PCDHGA2: variants seen among roughly 807,000 people sequenced by gnomAD.
The protein encoded by PCDHGA2 is protocadherin gamma subfamily A, 2.
A neutral mutation model predicts 59.2 loss-of-function variants in PCDHGA2; 40 were observed. The observed-to-expected ratio is 0.68, with a 90% CI of 0.52 to 0.88. PCDHGA2 has a LOEUF of 0.88. PCDHGA2 is among the 40% of genes least tolerant of loss of function. The probability of loss-of-function intolerance (pLI) is 0.00; values close to 1 mark genes in which losing one functional copy is unlikely to be tolerated. For missense variants in PCDHGA2, 1,226 were observed against 1,204.0 expected (o/e 1.02, Z -0.27); for synonymous variants, 560 against 526.0 (o/e 1.06, Z -0.89).
rs748189764 is a variant in PCDHGA2 at position 141,404,578 on chromosome 5, T to G, written c.2424+63183T>G. 1.9e-6 allele frequency: 3 copies of G among 1,613,950 alleles called. No homozygotes were observed. The Admixed American group carries it at 5.0e-5, about 27-fold the overall frequency. On this transcript the variant is annotated intron_variant, in intron 1 of 3. Coordinates refer to ENST00000394576, the MANE Select transcript of PCDHGA2 (RefSeq NM_018915.4). ...CAAGTGACAGTGGAAGCCCACCACTTAGCAGCAATGTGTCATTGAGACTGT... is the reference window on the plus strand; with the variant it reads ...CAAGTGACAGTGGAAGCCCACCACTGAGCAGCAATGTGTCATTGAGACTGT...
At chr5:141,469,191 G>A (rs1431459571) in intron 1 of PCDHGA2, among the ~76,000 whole-genome samples, 1 of 151,882 alleles carries the variant, frequency 6.6e-6, no homozygotes, top group Admixed American at 6.6e-5. Flanking sequence ...CAAGAGGATT[G>A]CTTGAGCCTT....
At position 141,340,418 on chromosome 5, in the gene PCDHGA2, G is replaced by A. The variant is rs1289323808; in HGVS notation, c.1447G>A (p.Asp483Asn). The A allele has an allele frequency of 1.2e-6, 2 of 1,614,160 alleles. No individual in the cohort carries two copies. Among genetic ancestry groups the A allele is most frequent in the Non-Finnish European group, 1.7e-6 (2 of 1,180,036 alleles). ...GACGGCCCATGACCCCGACAGCAAC[G>A]ACAATGCTCATGTAACTTACTCTTT... ...SVTAHDPDSNDNAHVTYSFAE... is the reference protein window; with the variant it reads ...SVTAHDPDSNNNAHVTYSFAE... Residue 483 changes from aspartate (D) to asparagine (N), a missense_variant, in exon 1 of 4, where the codon GAC becomes AAC. Transcript: ENST00000394576.
rs776348214 is a variant in PCDHGA2 at position 141,487,781 on chromosome 5, G to A, written c.2425-7026G>A. 108 of 1,526,850 alleles carry A rather than the reference G, an allele frequency of 7.1e-5. No individual in the cohort carries two copies. Among genetic ancestry groups the A allele is most frequent in the East Asian group, 3.7e-4 (15 of 40,622 alleles). 94.6% of individuals were successfully genotyped at this position (1,526,850 alleles called of 1,614,324 possible). On this transcript the variant is annotated intron_variant, in intron 1 of 3. Coordinates refer to ENST00000394576, the MANE Select transcript of PCDHGA2 (RefSeq NM_018915.4). This position sits in a 1 kb window ranked among gnomAD's most constrained non-coding sequence, Gnocchi z 5.0. ...AGACGCTGTGCTTTGTAACTGTTTC[G>A]TGAATTAACCAGAGTTGTCACAGTT... is the stretch of plus-strand genomic sequence containing the variant.
chr5:141,346,897 T>C (rs1269994667), intron 1 of PCDHGA2, among the ~76,000 whole-genome samples: 3 of 152,234 alleles, frequency 2.0e-5, no homozygotes, highest in African/African-American at 7.2e-5. Context: ...CTTATCCTGA[T>C]ACATACAAGT....
intron 1 of PCDHGA2, chr5:141,372,275 C>T (rs1308117997): frequency 4.3e-6 from 7 of 1,613,024 alleles, no homozygotes; most frequent in South Asian, 2.2e-5. Context: ...GTGAGGTGCG[C>T]ACGGCGCGTA....
chr5:141,366,069 G>T (rs544928184), intron 1 of PCDHGA2: 12 of 1,614,216 alleles, frequency 7.4e-6, no homozygotes, highest in African/African-American at 2.7e-5. Context: ...CTGGCGCCTC[G>T]CTCCGCAGAA....
intron 1 of PCDHGA2, chr5:141,430,668 C>T (rs538633559): frequency 1.6e-6 from 2 of 1,243,872 alleles, no homozygotes; most frequent in East Asian, 2.5e-5. Context: ...GGAGCTCTGA[C>T]TTCCCAACTG....
rs551396089 is a variant in PCDHGA2, at chr5:141,423,798, A to T, written c.2425-71009A>T. On this transcript the variant is annotated intron_variant, in intron 1 of 3. Coordinates refer to ENST00000394576, the MANE Select transcript of PCDHGA2 (RefSeq NM_018915.4). ...TATTTAGTTCATATATATTTAGAGC[A>T]ATACATGTGAGTTTTACTTTGCCTT... is the stretch of plus-strand genomic sequence containing the variant. 3.3e-6 allele frequency: 4 copies of T among 1,222,280 alleles called. No homozygotes were observed. The South Asian group carries it at 1.1e-4, about 33-fold the overall frequency. 75.7% of individuals were successfully genotyped at this position (1,222,280 alleles called of 1,614,324 possible). A position where few individuals can be genotyped will look rare whatever the true frequency, so the allele number is the denominator to read the frequency against.
intron 1 of PCDHGA2, among the ~76,000 whole-genome samples, chr5:141,436,998 A>T (rs985067199): frequency 6.6e-6 from 1 of 152,242 alleles, no homozygotes; most frequent in African/African-American, 2.4e-5. Context: ...GTTTACTTCA[A>T]TGGGATCTTA....
chr5:141,355,453 G>A, intron 1 of PCDHGA2: 2 of 1,614,094 alleles, frequency 1.2e-6, no homozygotes, highest in South Asian at 1.1e-5. Flanking sequence ...CGGCACCTTG[G>A]TCACCGCGGG....
At chr5:141,375,214 C>T (rs750367246) in intron 1 of PCDHGA2, 2 of 1,613,928 alleles carry the variant, frequency 1.2e-6, no homozygotes, top group Non-Finnish European at 1.7e-6. Context: ...GAGACTCTGG[C>T]CTGAATGGCC....
chr5:141,366,205 G>T (rs1203198525), intron 1 of PCDHGA2: 2 of 1,613,726 alleles, frequency 1.2e-6, no homozygotes, highest in Non-Finnish European at 1.7e-6. Flanking sequence ...ACACGGGCGA[G>T]GTGCGCACAG....
intron 1 of PCDHGA2, among the ~76,000 whole-genome samples, chr5:141,363,114 G>C (rs1762815949): frequency 6.6e-6 from 1 of 152,244 alleles, no homozygotes; most frequent in Non-Finnish European, 1.5e-5. Flanking sequence ...TTTGAGGTCT[G>C]AGGTGTCTGC....
chr5:141,395,542 TTGTGTG>T (rs55729045), intron 1 of PCDHGA2: 20,097 of 170,756 alleles, frequency 0.12, 1,101 homozygotes, highest in Admixed American at 0.15. Context: ...TTGCTATTGT[TTGTGTG>T]TGTGTGTGTG....
intron 1 of PCDHGA2, chr5:141,420,902 A>T (rs1202945278): frequency 3.4e-6 from 1 of 293,976 alleles, no homozygotes; most frequent in Non-Finnish European, 6.3e-6. Context: ...TAAGCTCTAC[A>T]AATACGTGTG....
chr5:141,494,182 C>T (rs188628485), intron 1 of PCDHGA2, among the ~76,000 whole-genome samples: 132 of 152,244 alleles, frequency 8.7e-4, no homozygotes, highest in African/African-American at 3.1e-3. Flanking sequence ...AGAAGTGTCC[C>T]GGGACTTGGA....
Position 141,432,410 on chromosome 5 carries a change from T to C in PCDHGA2, c.2425-62397T>C. On this transcript the variant is annotated intron_variant, in intron 1 of 3. Transcript: ENST00000394576. This position sits in a 1 kb window ranked among gnomAD's most constrained non-coding sequence, Gnocchi z 6.0. The stretch of plus-strand genomic sequence containing the variant: ...CAGCAGCAACGTGTCGTTGAGCCTG[T>C]TCGTGCTGGACCAGAACGACAATGC... 6.2e-7 allele frequency: 1 copy of C among 1,614,228 alleles called. No homozygotes were observed. Among genetic ancestry groups the C allele is most frequent in the East Asian group, 2.2e-5 (1 of 44,884 alleles).
intron 2 of PCDHGA2, among the ~76,000 whole-genome samples, chr5:141,501,290 TACACACACACACACACACACACAC>T (rs55762287): frequency 7.3e-6 from 1 of 136,162 alleles, no homozygotes; most frequent in African/African-American, 2.7e-5. Flanking sequence ...TATTCCCTTA[TACACACACACACACACACACACAC>T]ACACACACAC....
intron 1 of PCDHGA2, chr5:141,383,737 T>TC: frequency 6.2e-7 from 1 of 1,613,998 alleles, no homozygotes; most frequent in Non-Finnish European, 8.5e-7. Flanking sequence ...AGTGACATAT[T>TC]CTTTTCGGAA....
Sources: gnomAD v4.1 joint callset for allele counts (sites outside exome capture counted in the v4.1 genomes callset) on GRCh38, gnomAD v4.1.1 for gene constraint, Gnocchi (gnomAD v3.1) non-coding constraint, MANE v1.5 for transcripts, NCBI Gene and HGNC (gene_info 2026-07-23, HGNC 2026-07-21) for gene names.